Variants in STRN observed in about 807,000 individuals in gnomAD.
STRN encodes the protein striatin, also known as protein phosphatase 2 regulatory subunit B'''alpha.
A neutral mutation model predicts 96.3 loss-of-function variants in STRN; 53 were observed. The observed-to-expected ratio is 0.55, with a 90% CI of 0.44 to 0.69. The LOEUF (loss-of-function observed/expected upper bound fraction) is 0.69. Among genes scored for constraint, STRN ranks in the 30% least tolerant of loss-of-function variants. STRN has a pLI of 0.00. For missense variants in STRN, 987 were observed against 963.9 expected (o/e 1.02, Z -0.32); for synonymous variants, 428 against 355.9 (o/e 1.20, Z -2.28).
chr2:36,890,958 C>G (rs1335089951), intron 7 of STRN, among the ~76,000 whole-genome samples: 1 of 152,172 alleles, frequency 6.6e-6, no homozygotes, highest in Non-Finnish European at 1.5e-5. Context: ...CTACAGGTGA[C>G]TATCCCTTAC....
Position 36,845,308 on chromosome 2 carries a change from TAATAC to T in STRN, c.*4143_*4147del, listed in dbSNP as rs1168044435. The T allele has an allele frequency of 3.9e-5, 6 of 152,154 alleles. No homozygotes were observed. Among genetic ancestry groups the T allele is most frequent in the East Asian group, 1.9e-4 (1 of 5,192 alleles). The allele number at this position is 152,154 out of a possible 1,614,324, so 9.4% of individuals were successfully genotyped here. A position where few individuals can be genotyped will look rare whatever the true frequency, so the allele number is the denominator to read the frequency against. On this transcript the variant is annotated 3_prime_UTR_variant, in exon 18 of 18. Coordinates refer to ENST00000263918, the MANE Select transcript of STRN (RefSeq NM_003162.4). The stretch of plus-strand genomic sequence containing the variant: ...CCTTTCAGTCTGATTTGTGACATCT[TAATAC>T]AATATAACTTAAATGACAAAGCCTG...
intron 12 of STRN, 193 bp downstream of exon 12, chr2:36,867,621 C>A: frequency 5.3e-6 from 2 of 378,074 alleles, no homozygotes; most frequent in Non-Finnish European, 9.4e-6. Flanking sequence ...TAAATAAAAT[C>A]TAATTTAAGC....
At chr2:36,861,737 A>G (rs1339390128) in intron 12 of STRN, among the ~76,000 whole-genome samples, 2 of 6,190 alleles carry the variant, frequency 3.2e-4, no homozygotes, top group African/African-American at 3.5e-4. Flanking sequence ...GTGAGCACAC[A>G]CACACACACA....
intron 14 of STRN, among the ~76,000 whole-genome samples, chr2:36,857,231 T>G (rs1668369252): frequency 6.6e-6 from 1 of 152,002 alleles, no homozygotes; most frequent in Non-Finnish European, 1.5e-5. Context: ...CTGGATTCTA[T>G]GTCTTGATTG....
intron 2 of STRN, 119 bp downstream of exon 2, chr2:36,924,986 G>A (rs1033201148): frequency 1.3e-5 from 10 of 772,294 alleles, no homozygotes; most frequent in Non-Finnish European, 1.9e-5. Context: ...AAACCGGGAG[G>A]CGGAGGTCGC....
At chr2:36,919,868 T>C (rs1229794220) in intron 2 of STRN, among the ~76,000 whole-genome samples, 1 of 152,218 alleles carries the variant, frequency 6.6e-6, no homozygotes, top group Non-Finnish European at 1.5e-5. Context: ...CAACCTCAGA[T>C]TATACACTAT....
At chr2:36,876,020 A>T (rs1668899797) in intron 10 of STRN, among the ~76,000 whole-genome samples, 1 of 152,122 alleles carries the variant, frequency 6.6e-6, no homozygotes, top group Non-Finnish European at 1.5e-5. Context: ...TAATCCCAGC[A>T]TTTAGTGGGA....
rs1668161900 is a variant in STRN at position 36,849,376 on chromosome 2, A to T, written c.*80T>A. 1.7e-5 allele frequency: 26 copies of T among 1,506,028 alleles called. No individual in the cohort carries two copies. In the South Asian group the frequency reaches 2.9e-4, roughly 17 times the overall value. 93.3% of individuals were successfully genotyped at this position (1,506,028 alleles called of 1,614,324 possible). A position where few individuals can be genotyped will look rare whatever the true frequency, so the allele number is the denominator to read the frequency against. ...CAGAACAAAAGGGCAGGACGAGATG[A>T]TTCTTGCCCTCGTCTTCTGTATCTC... On this transcript the variant is annotated 3_prime_UTR_variant, in exon 18 of 18. Transcript: ENST00000263918.
At chr2:36,943,597 G>A (rs932912619) in intron 1 of STRN, among the ~76,000 whole-genome samples, 1 of 151,944 alleles carries the variant, frequency 6.6e-6, no homozygotes, top group Non-Finnish European at 1.5e-5. Flanking sequence ...GAGGTCAGGA[G>A]ATCAAGACCA....
chr2:36,898,625 A>G (rs946705561), intron 6 of STRN, among the ~76,000 whole-genome samples: 1 of 152,200 alleles, frequency 6.6e-6, no homozygotes, highest in African/African-American at 2.4e-5. Flanking sequence ...TAAGATGGCT[A>G]TTTATAACAA....
intron 1 of STRN, among the ~76,000 whole-genome samples, chr2:36,928,827 T>C (rs1670491872): frequency 6.7e-6 from 1 of 149,100 alleles, no homozygotes; most frequent in African/African-American, 2.5e-5. Flanking sequence ...CAGGTGCCTG[T>C]AATCCCAGCT....
At chr2:36,942,135 C>G (rs1572691263) in intron 1 of STRN, among the ~76,000 whole-genome samples, 1 of 152,130 alleles carries the variant, frequency 6.6e-6, no homozygotes, top group African/African-American at 2.4e-5. Context: ...TTATCACTCA[C>G]TGATAAAGGA....
At position 36,855,127 on chromosome 2, in the gene STRN, A is replaced by C. The variant is rs1164059081; in HGVS notation, c.1978+85T>G. On this transcript the variant is annotated intron_variant, in intron 15 of 17. Transcript: ENST00000263918. ...GAGACAGAAAGCTTTATAATGACAA[A>C]TATTTTTCACAGCTGACTCTAGTAG... 3 of 1,398,316 alleles carry C rather than the reference A, an allele frequency of 2.1e-6. No homozygotes were observed. The East Asian group carries it at 7.0e-5, about 33-fold the overall frequency. 86.6% of individuals were successfully genotyped at this position (1,398,316 alleles called of 1,614,324 possible). A position where few individuals can be genotyped will look rare whatever the true frequency, so the allele number is the denominator to read the frequency against.
At chr2:36,888,882 C>T (rs1572650439) in intron 7 of STRN, among the ~76,000 whole-genome samples, 1 of 151,992 alleles carries the variant, frequency 6.6e-6, no homozygotes, top group Admixed American at 6.6e-5. Flanking sequence ...TGAGGTCTCA[C>T]TATGTTGCCC....
rs34746648 is a variant in STRN, at chr2:36,941,716, ATTTTT to A, written c.235-16513_235-16509del. On this transcript the variant is annotated intron_variant, in intron 1 of 17. Coordinates refer to ENST00000263918, the MANE Select transcript of STRN (RefSeq NM_003162.4). Reference sequence around the variant, plus strand: ...AGGCGCCTGCCACCCCACCCAGCTAATTTTTTTTTTTTTTTTTAGTGGAGACGGGT... The same window carrying A: ...AGGCGCCTGCCACCCCACCCAGCTAATTTTTTTTTTTTAGTGGAGACGGGT... Among the ~76,000 whole-genome samples the A allele has an allele frequency of 3.0e-5, 4 of 134,848 alleles. No homozygotes were observed. In the South Asian group the frequency reaches 7.0e-4, roughly 24 times the overall value. The allele number at this position is 134,848 out of a possible 152,430, so 88.5% of individuals were successfully genotyped here. A position where few individuals can be genotyped will look rare whatever the true frequency, so the allele number is the denominator to read the frequency against.
chr2:36,943,403 A>T (rs935656733), intron 1 of STRN, among the ~76,000 whole-genome samples: 1 of 150,846 alleles, frequency 6.6e-6, no homozygotes, highest in Non-Finnish European at 1.5e-5. Flanking sequence ...TATATATATA[A>T]ATATATAAGA....
intron 3 of STRN, 69 bp from the exon 4 acceptor site, chr2:36,905,687 A>G (rs1468230353): frequency 2.4e-6 from 3 of 1,270,558 alleles, no homozygotes; most frequent in Non-Finnish European, 3.4e-6. Flanking sequence ...ATTCATTAAT[A>G]ACGTCCAATA....
chr2:36,917,710 A>C (rs1448862168), intron 2 of STRN, among the ~76,000 whole-genome samples: 1 of 152,158 alleles, frequency 6.6e-6, no homozygotes, highest in Non-Finnish European at 1.5e-5. Flanking sequence ...TGAAAATTAT[A>C]GGCAGTTGAT....
intron 10 of STRN, among the ~76,000 whole-genome samples, chr2:36,874,081 C>A (rs1178761830): frequency 1.3e-5 from 2 of 151,272 alleles, no homozygotes; most frequent in Non-Finnish European, 2.9e-5. Flanking sequence ...CGGTGAAAAC[C>A]CCATCTCTAC....
Sources: gnomAD v4.1 joint callset for allele counts (sites outside exome capture counted in the v4.1 genomes callset) on GRCh38, gnomAD v4.1.1 for gene constraint, MANE v1.5 for transcripts, NCBI Gene and HGNC (gene_info 2026-07-23, HGNC 2026-07-21) for gene names.